GUCA2A: variants seen among roughly 807,000 people sequenced by gnomAD.
GUCA2A encodes the protein guanylin.
In GUCA2A, 17 loss-of-function variants were observed where a neutral mutation model predicts 11.2. That is an observed-to-expected ratio of 1.52 (90% confidence interval 1.04 to 2.28). GUCA2A has a LOEUF of 2.28. Ranked by LOEUF, GUCA2A falls within the 30% of genes most tolerant of loss-of-function variation. The pLI, the probability that GUCA2A is intolerant of heterozygous loss-of-function variation, is 0.00. For synonymous variants in GUCA2A, 64 were observed against 57.1 expected, an observed-to-expected ratio of 1.12 and a Z score of -0.54; for missense variants, 173 against 139.3, an observed-to-expected ratio of 1.24 and a Z score of -1.22.
At position 42,163,419 on chromosome 1, in the gene GUCA2A, C is replaced by T. The variant is rs760940245; in HGVS notation, c.267G>A (p.Glu89=). The T allele has an allele frequency of 2.8e-5, 45 of 1,611,940 alleles. No individual in the cohort carries two copies. Among genetic ancestry groups the T allele is most frequent in the Non-Finnish European group, 3.1e-5 (37 of 1,177,988 alleles). Residue 89 remains glutamate, a synonymous_variant, in exon 2 of 3, where the codon GAG becomes GAA. Coordinates refer to ENST00000357001, the MANE Select transcript of GUCA2A (RefSeq NM_033553.3). ...GCTGCTCACCCAGCCTCTGAAGTAT[C>T]TCCTGGGCATTGGGCTCCTTGCAGA... ...KPLCKEPNAQ[E]ILQRLEEIAE...
chr1:42,162,930 G>A lies in GUCA2A; in HGVS notation c.324C>T (p.Ala108=), dbSNP rs1646135631. 6.2e-7 allele frequency: 1 copy of A among 1,613,648 alleles called. No individual in the cohort carries two copies. The highest frequency in any genetic ancestry group is 1.3e-5 in the African/African-American group (1 of 74,888). The change falls in exon 3 of 3, where the codon GCC becomes GCT. Residue 108 remains alanine (A), a synonymous_variant. Coordinates refer to ENST00000357001, the MANE Select transcript of GUCA2A (RefSeq NM_033553.3). ...AEDPGTCEIC[A]YAACTGC ...CCTAGCATCCGGTACAGGCAGCGTAGGCACAGATTTCACATGTGCCCGGGT... is the reference window on the plus strand; with the variant it reads ...CCTAGCATCCGGTACAGGCAGCGTAAGCACAGATTTCACATGTGCCCGGGT...
intron 2 of GUCA2A, 103 bp from the exon 3 acceptor site, chr1:42,163,073 T>C (rs1646136663): frequency 2.1e-6 from 2 of 930,682 alleles, no homozygotes; most frequent in Admixed American, 2.0e-5. Flanking sequence ...CCCAGGAGAA[T>C]CTCAGCAGGC....
chr1:42,164,503 A>G (rs1265924107), intron 1 of GUCA2A, 135 bp downstream of exon 1: 4 of 625,014 alleles, frequency 6.4e-6, no homozygotes, highest in Non-Finnish European at 1.2e-5. Context: ...ACTGAGCAGG[A>G]GCTCCTCGAA....
chr1:42,164,734 G>C lies in GUCA2A; in HGVS notation c.-22C>G, dbSNP rs1365098298. On this transcript the variant is annotated 5_prime_UTR_variant, in exon 1 of 3. Transcript: ENST00000357001. ...TCATGGCAGCAGTGCCCGAGAGAGG[G>C]GTGGCTGTTCTGGATGCCAGGGGGA... is the stretch of plus-strand genomic sequence containing the variant. The C allele has an allele frequency of 4.1e-6, 6 of 1,475,868 alleles. No homozygotes were observed. Among genetic ancestry groups the C allele is most frequent in the South Asian group, 1.2e-5 (1 of 82,850 alleles). The allele number at this position is 1,475,868 out of a possible 1,614,324, so 91.4% of individuals were successfully genotyped here.
chr1:42,164,678 A>G lies in GUCA2A; in HGVS notation c.35T>C (p.Leu12Pro). The part of the protein sequence containing the change: ...NAFLLSALCL[L>P]GAWAALAGGV... ...TCCTGCCAAGGCGGCCCAGGCCCCAAGGAGGCACAGTGCGGAGAGCAGGAA... is the reference window on the plus strand; with the variant it reads ...TCCTGCCAAGGCGGCCCAGGCCCCAGGGAGGCACAGTGCGGAGAGCAGGAA... The change falls in exon 1 of 3, where the codon CTT (leucine) becomes CCT (proline). Residue 12 changes from leucine to proline, a missense_variant. Coordinates refer to ENST00000357001, the MANE Select transcript of GUCA2A (RefSeq NM_033553.3). 1 of 1,551,796 alleles carries G rather than the reference A, an allele frequency of 6.4e-7. No homozygotes were observed. The highest frequency in any genetic ancestry group is 8.7e-7 in the Non-Finnish European group (1 of 1,146,940).
rs1196381084 is a variant in GUCA2A, at chr1:42,164,715, C to A, written c.-3G>T. ...GCGGAGAGCAGGAAGGCATTCATGG[C>A]AGCAGTGCCCGAGAGAGGGGTGGCT... On this transcript the variant is annotated 5_prime_UTR_variant, in exon 1 of 3. Coordinates refer to ENST00000357001, the MANE Select transcript of GUCA2A (RefSeq NM_033553.3). 3.9e-6 allele frequency: 6 copies of A among 1,543,634 alleles called. No individual in the cohort carries two copies. In the South Asian group the frequency reaches 6.0e-5, roughly 15 times the overall value.
At position 42,163,447 on chromosome 1, in the gene GUCA2A, G is replaced by A; in HGVS notation, c.239C>T (p.Pro80Leu). ...SNPNFPEELK[P>L]LCKEPNAQEI... ...CTGGGCATTGGGCTCCTTGCAGAGA[G>A]GCTTGAGTTCTTCTGGAAAGTTCGG... The change falls in exon 2 of 3, where the codon CCT (proline) becomes CTT (leucine). Residue 80 changes from proline to leucine, a missense_variant. Coordinates refer to ENST00000357001, the MANE Select transcript of GUCA2A (RefSeq NM_033553.3). 6.2e-7 allele frequency: 1 copy of A among 1,614,018 alleles called. No homozygotes were observed. Among genetic ancestry groups the A allele is most frequent in the South Asian group, 1.1e-5 (1 of 91,078 alleles).
intron 1 of GUCA2A, among the ~76,000 whole-genome samples, chr1:42,163,977 G>C (rs1164973056): frequency 6.6e-6 from 1 of 152,360 alleles, no homozygotes; most frequent in South Asian, 2.1e-4. Context: ...AGCCCAGGCT[G>C]TCTTTCCCCT....
chr1:42,163,482 G>C lies in GUCA2A; in HGVS notation c.204C>G (p.Leu68=). The change falls in exon 2 of 3, where the codon CTC becomes CTG. Residue 68 remains leucine (L), a synonymous_variant. Coordinates refer to ENST00000357001, the MANE Select transcript of GUCA2A (RefSeq NM_033553.3). ...CTTCTGGAAAGTTCGGGTTGCTACA[G>C]AGGATGGGAACCACAGGTTCACCAG... ...PIPGEPVVPI[L]CSNPNFPEEL... is the part of the protein sequence containing the mutation. 2 of 1,613,840 alleles carry C rather than the reference G, an allele frequency of 1.2e-6. No individual in the cohort carries two copies. Among genetic ancestry groups the C allele is most frequent in the Non-Finnish European group, 1.7e-6 (2 of 1,179,702 alleles).
chr1:42,164,639 T>C lies in GUCA2A; in HGVS notation c.74A>G (p.Gln25Arg), dbSNP rs1202923789. 1 of 1,539,390 alleles carries C rather than the reference T, an allele frequency of 6.5e-7. No homozygotes were observed. Among genetic ancestry groups the C allele is most frequent in the Non-Finnish European group, 8.8e-7 (1 of 1,136,650 alleles). The change falls in exon 1 of 3, where the codon CAG becomes CGG. Residue 25 changes from glutamine to arginine, a missense_variant and splice_region_variant. Transcript: ENST00000357001. ...WAALAGGVTV[Q>R]DGNFSFSLES... ...CCGGGGTAGGGACACAGGACTCACC[T>C]GCACGGTGACCCCTCCTGCCAAGGC...
Position 42,162,787 on chromosome 1 carries a change from C to A in GUCA2A, c.*119G>T. On this transcript the variant is annotated 3_prime_UTR_variant, in exon 3 of 3. Transcript: ENST00000357001. The stretch of plus-strand genomic sequence containing the variant: ...TCACCCAGTTCCTCCCCGGGCTGCT[C>A]CTCCCGACTGGACCAGGGTAGGTTG... 1.2e-6 allele frequency: 1 copy of A among 806,754 alleles called. No individual in the cohort carries two copies. The highest frequency in any genetic ancestry group is 2.4e-5 in the East Asian group (1 of 40,872). 50.0% of individuals were successfully genotyped at this position (806,754 alleles called of 1,614,324 possible). A position where few individuals can be genotyped will look rare whatever the true frequency, so the allele number is the denominator to read the frequency against.
intron 2 of GUCA2A, 47 bp downstream of exon 2, chr1:42,163,356 A>C (rs776384590): frequency 8.1e-7 from 1 of 1,234,754 alleles, no homozygotes; most frequent in Non-Finnish European, 1.2e-6. Flanking sequence ...AAGTGCCACC[A>C]CAGTATTCCC....
chr1:42,162,847 T>G lies in GUCA2A; in HGVS notation c.*59A>C, dbSNP rs528239163. The G allele has an allele frequency of 1.2e-5, 17 of 1,402,810 alleles. No homozygotes were observed. In the African/African-American group the frequency reaches 2.1e-4, roughly 18 times the overall value. 86.9% of individuals were successfully genotyped at this position (1,402,810 alleles called of 1,614,324 possible). On this transcript the variant is annotated 3_prime_UTR_variant, in exon 3 of 3. Transcript: ENST00000357001. ...GAGTGGAGTATCATGGGTGGCCCTT[T>G]CTGCAGGAGAAAAGAGCTTCCCTGC...
chr1:42,163,584 C>T lies in GUCA2A; in HGVS notation c.102G>A (p.Glu34=). ...VQDGNFSFSL[E]SVKKLKDLQE... is the part of the protein sequence containing the mutation. The stretch of plus-strand genomic sequence containing the variant: ...GGAGGTCTTTGAGCTTCTTCACTGA[C>T]TCCAGAGAAAAGGAGAAATTTCCAT... Residue 34 remains glutamate, a synonymous_variant, in exon 2 of 3, where the codon GAG becomes GAA. Coordinates refer to ENST00000357001, the MANE Select transcript of GUCA2A (RefSeq NM_033553.3). 6.2e-7 allele frequency: 1 copy of T among 1,612,950 alleles called. No individual in the cohort carries two copies. The highest frequency in any genetic ancestry group is 1.1e-5 in the South Asian group (1 of 90,984).
Position 42,162,933 on chromosome 1 carries a change from A to T in GUCA2A, c.321T>A (p.Cys107Ter). ...IAEDPGTCEICAYAACTGC is the reference protein window; with the variant it reads ...IAEDPGTCEI ...AGCATCCGGTACAGGCAGCGTAGGCACAGATTTCACATGTGCCCGGGTCCT... is the reference window on the plus strand; with the variant it reads ...AGCATCCGGTACAGGCAGCGTAGGCTCAGATTTCACATGTGCCCGGGTCCT... Residue 107 changes from cysteine to a stop codon, truncating the protein, a stop_gained, in exon 3 of 3, where the codon TGT becomes TGA. Coordinates refer to ENST00000357001, the MANE Select transcript of GUCA2A (RefSeq NM_033553.3). LOFTEE classifies it high-confidence loss of function. 5.0e-6 allele frequency: 8 copies of T among 1,613,820 alleles called. No individual in the cohort carries two copies. The highest frequency in any genetic ancestry group is 6.8e-6 in the Non-Finnish European group (8 of 1,179,772).
rs376716216 is a variant in GUCA2A at position 42,162,927 on chromosome 1, G to A, written c.327C>T (p.Tyr109=). 62 of 1,613,430 alleles carry A rather than the reference G, an allele frequency of 3.8e-5. No individual in the cohort carries two copies. The highest frequency in any genetic ancestry group is 2.5e-4 in the African/African-American group (19 of 74,874). ...CCCCCTAGCATCCGGTACAGGCAGC[G>A]TAGGCACAGATTTCACATGTGCCCG... The part of the protein sequence containing the change: ...EDPGTCEICA[Y]AACTGC Residue 109 remains tyrosine, a synonymous_variant, in exon 3 of 3, where the codon TAC becomes TAT. Coordinates refer to ENST00000357001, the MANE Select transcript of GUCA2A (RefSeq NM_033553.3).
intron 2 of GUCA2A, 107 bp from the exon 3 acceptor site, chr1:42,163,077 A>C (rs1388640468): frequency 3.1e-4 from 269 of 869,362 alleles, no homozygotes; most frequent in Non-Finnish European, 4.6e-4. Flanking sequence ...GGAGAATCTC[A>C]GCAGGCCCGT....
chr1:42,163,381 AG>A (rs762451530), intron 2 of GUCA2A, 21 bp downstream of exon 2: 1 of 1,506,018 alleles, frequency 6.6e-7, no homozygotes. Flanking sequence ...CCCACCAATC[AG>A]AGAGGAAGGA....
At chr1:42,163,134 A>T (rs934327813) in intron 2 of GUCA2A, among the ~76,000 whole-genome samples, 164 bp from the exon 3 acceptor site, 1 of 152,102 alleles carries the variant, frequency 6.6e-6, no homozygotes, top group African/African-American at 2.4e-5. Flanking sequence ...CACACAGACC[A>T]CTCAAACCAA....
Sources: allele counts gnomAD v4.1 joint callset (sites outside exome capture counted in the v4.1 genomes callset), GRCh38; gene constraint gnomAD v4.1.1; transcripts MANE v1.5; gene names NCBI Gene and HGNC (gene_info 2026-07-23, HGNC 2026-07-21).